Variants in PRKCH observed in about 807,000 individuals in gnomAD.
PRKCH encodes protein kinase C eta.
A neutral mutation model predicts 82.5 loss-of-function variants in PRKCH; 28 were observed. That is an observed-to-expected ratio of 0.34 (90% CI 0.25 to 0.47). PRKCH has a LOEUF of 0.47. Among genes scored for constraint, PRKCH ranks in the 20% least tolerant of loss-of-function variants. The probability of loss-of-function intolerance (pLI) is 1.00; values close to 1 mark genes in which losing one functional copy is unlikely to be tolerated. For synonymous variants in PRKCH, 322 were observed against 327.4 expected (o/e 0.98, Z 0.18); for missense variants, 705 against 881.8 (o/e 0.80, Z 2.54).
intron 12 of PRKCH, among the ~76,000 whole-genome samples, chr14:61,539,199 C>A (rs990464078): frequency 2.6e-5 from 4 of 152,090 alleles, no homozygotes; most frequent in African/African-American, 7.2e-5. Flanking sequence ...TACGGTTAAT[C>A]AACATTGTCC....
intron 2 of PRKCH, among the ~76,000 whole-genome samples, chr14:61,421,886 A>G (rs778792842): frequency 6.6e-6 from 1 of 152,198 alleles, no homozygotes; most frequent in Non-Finnish European, 1.5e-5. Context: ...CCAGTAAGGC[A>G]TCTCCAAAGT....
chr14:61,430,809 C>A (rs369142225), intron 2 of PRKCH, among the ~76,000 whole-genome samples: 1 of 150,010 alleles, frequency 6.7e-6, no homozygotes, highest in South Asian at 2.1e-4. Context: ...GGCTAGAATG[C>A]GGTGTCGTGA....
chr14:61,350,779 C>A (rs2046063436), intron 1 of PRKCH, among the ~76,000 whole-genome samples: 1 of 152,172 alleles, frequency 6.6e-6, no homozygotes, highest in African/African-American at 2.4e-5. Context: ...TAGCTTAGAC[C>A]CTCATCTAAC....
intron 10 of PRKCH, among the ~76,000 whole-genome samples, chr14:61,520,329 T>C (rs1244171158): frequency 2.0e-5 from 3 of 152,140 alleles, no homozygotes; most frequent in East Asian, 1.9e-4. Context: ...TCTGTCACAA[T>C]TGTAACAAAT....
At position 61,443,170 on chromosome 14, in the gene PRKCH, C is replaced by A. The variant is rs1463594825; in HGVS notation, c.487C>A (p.Arg163=). Residue 163 remains arginine, a synonymous_variant, in exon 3 of 14, where the codon CGA becomes AGA. Coordinates refer to ENST00000332981, the MANE Select transcript of PRKCH (RefSeq NM_006255.5). ...HFTRKRQRAM[R]RRVHQINGHK... is the part of the protein sequence containing the mutation. ...TACCAGGAAGCGCCAAAGGGCTATG[C>A]GAAGGCGAGTCCACCAGATCAATGG... The A allele has an allele frequency of 5.6e-6, 9 of 1,613,922 alleles. No homozygotes were observed. The highest frequency in any genetic ancestry group is 7.6e-6 in the Non-Finnish European group (9 of 1,179,944).
At chr14:61,323,561 T>C (rs754085613) in intron 1 of PRKCH, among the ~76,000 whole-genome samples, 19 of 152,238 alleles carry the variant, frequency 1.2e-4, no homozygotes, top group Admixed American at 2.6e-4. Context: ...AGATGGATGG[T>C]GATGAAGGCT....
intron 9 of PRKCH, among the ~76,000 whole-genome samples, chr14:61,481,447 C>A (rs150876517): frequency 6.6e-6 from 1 of 152,178 alleles, no homozygotes; most frequent in Non-Finnish European, 1.5e-5. Context: ...TAATGGGCAA[C>A]AAGGATGCAA....
At chr14:61,254,230 C>G (rs953499673) in intron 1 of PRKCH, among the ~76,000 whole-genome samples, 2 of 151,920 alleles carry the variant, frequency 1.3e-5, no homozygotes, top group Admixed American at 6.6e-5. Context: ...AGAAAATTCC[C>G]CAAATTCTCA....
chr14:61,505,389 T>TCTTTC, intron 10 of PRKCH, among the ~76,000 whole-genome samples: 4 of 125,886 alleles, frequency 3.2e-5, no homozygotes, highest in African/African-American at 1.2e-4. Flanking sequence ...TCTTTTCTTT[T>TCTTTC]CTTTTCTTTT....
At chr14:61,424,878 T>C (rs1469498334) in intron 2 of PRKCH, among the ~76,000 whole-genome samples, 2 of 152,202 alleles carry the variant, frequency 1.3e-5, no homozygotes, top group African/African-American at 4.8e-5. Context: ...CTTAGTACCC[T>C]GCTTCCCAGC....
intron 1 of PRKCH, among the ~76,000 whole-genome samples, chr14:61,385,577 G>A (rs1460954012): frequency 3.3e-5 from 5 of 152,134 alleles, no homozygotes; most frequent in Non-Finnish European, 7.3e-5. Flanking sequence ...CAAGATCAAC[G>A]TTAATGATAA....
intron 1 of PRKCH, among the ~76,000 whole-genome samples, chr14:61,292,468 C>A (rs2045371827): frequency 6.6e-6 from 1 of 151,272 alleles, no homozygotes; most frequent in Admixed American, 6.6e-5. Flanking sequence ...GGCAGTGAGA[C>A]CCTGTCTCAA....
At chr14:61,433,994 A>C (rs922533761) in intron 2 of PRKCH, among the ~76,000 whole-genome samples, 1 of 152,220 alleles carries the variant, frequency 6.6e-6, no homozygotes, top group Non-Finnish European at 1.5e-5. Flanking sequence ...CAATAAATCA[A>C]AAAGAGAGAT....
At chr14:61,391,360 T>C (rs1594654278) in intron 2 of PRKCH, 72 bp downstream of exon 2, 1 of 1,277,904 alleles carries the variant, frequency 7.8e-7, no homozygotes, top group Admixed American at 2.4e-5. Context: ...ATTTCTATCA[T>C]GGACATTATA....
chr14:61,352,689 G>GAAAGAAA (rs1486410316), intron 1 of PRKCH, among the ~76,000 whole-genome samples: 272 of 126,500 alleles, frequency 2.2e-3, no homozygotes, highest in Middle Eastern at 7.4e-3. Flanking sequence ...AGAAAGGAAA[G>GAAAGAAA]GAAAGAAAGA....
intron 1 of PRKCH, among the ~76,000 whole-genome samples, chr14:61,301,872 T>C (rs1389887444): frequency 6.6e-6 from 1 of 152,122 alleles, no homozygotes; most frequent in Non-Finnish European, 1.5e-5. Flanking sequence ...AGGCAAAATT[T>C]TATGGATTTA....
intron 1 of PRKCH, among the ~76,000 whole-genome samples, chr14:61,213,844 A>G (rs2044599501): frequency 6.6e-6 from 1 of 152,230 alleles, no homozygotes; most frequent in Admixed American, 6.5e-5. Flanking sequence ...AAATGTATTC[A>G]TTTAACAATG....
intron 1 of PRKCH, among the ~76,000 whole-genome samples, chr14:61,198,993 G>T (rs2044460294): frequency 6.6e-6 from 1 of 152,130 alleles, no homozygotes; most frequent in Non-Finnish European, 1.5e-5. Context: ...GAGGGATGGG[G>T]GAAGACGCTA....
At chr14:61,525,178 G>A (rs2042950472) in intron 10 of PRKCH, 2 of 152,204 alleles carry the variant, frequency 1.3e-5, no homozygotes, top group African/African-American at 4.8e-5. Context: ...GAGCAGAGTT[G>A]ATATTGCTAT....
Sources: gnomAD v4.1 joint callset for allele counts (sites outside exome capture counted in the v4.1 genomes callset) on GRCh38, gnomAD v4.1.1 for gene constraint, MANE v1.5 for transcripts, NCBI Gene and HGNC (gene_info 2026-07-23, HGNC 2026-07-21) for gene names.